Variants in CYP2J2 observed in about 807,000 individuals in gnomAD.
The protein encoded by CYP2J2 is cytochrome P450 family 2 subfamily J member 2.
A neutral mutation model predicts 48.8 loss-of-function variants in CYP2J2; 41 were observed. The ratio of observed to expected loss-of-function variants is 0.84; its 90% CI spans 0.66 to 1.09. The LOEUF is 1.09. Ranked by LOEUF, CYP2J2 falls within the 50% of genes least tolerant of loss-of-function variation. The probability of loss-of-function intolerance (pLI) is 0.00; values close to 1 mark genes in which losing one functional copy is unlikely to be tolerated. For missense variants in CYP2J2, 644 were observed against 617.3 expected (o/e 1.04, Z -0.46); for synonymous variants, 221 against 227.1 (o/e 0.97, Z 0.24).
chr1:59,962,148 T>A, the CYP2J2 span, among the ~76,000 whole-genome samples: 1 of 152,142 alleles, frequency 6.6e-6, no homozygotes, highest in Non-Finnish European at 1.5e-5. Flanking sequence ...TGTGGCTATA[T>A]TAAAAAATGA....
At chr1:59,952,215 A>G in the CYP2J2 span, among the ~76,000 whole-genome samples, 1 of 151,972 alleles carries the variant, frequency 6.6e-6, no homozygotes, top group African/African-American at 2.4e-5. Context: ...TGAGCCAGTA[A>G]GCTGAGTAAT....
chr1:59,935,032 A>G, the CYP2J2 span, among the ~76,000 whole-genome samples: 4 of 110,912 alleles, frequency 3.6e-5, no homozygotes, highest in Non-Finnish European at 5.7e-5. Flanking sequence ...ATATATATAT[A>G]TATATATATA....
At chr1:59,957,832 T>C in the CYP2J2 span, among the ~76,000 whole-genome samples, 4 of 152,006 alleles carry the variant, frequency 2.6e-5, no homozygotes, top group South Asian at 2.1e-4. Flanking sequence ...TTTCAGAGCA[T>C]TGGGGTAAAC....
chr1:59,960,774 C>T, the CYP2J2 span, among the ~76,000 whole-genome samples: 1 of 152,006 alleles, frequency 6.6e-6, no homozygotes, highest in African/African-American at 2.4e-5. Flanking sequence ...ACCTGGGAGG[C>T]GGAGGTTGAA....
chr1:59,908,081 T>C (rs1402216165), intron 5 of CYP2J2, among the ~76,000 whole-genome samples, 154 bp from the exon 6 acceptor site: 1 of 152,194 alleles, frequency 6.6e-6, no homozygotes, highest in Non-Finnish European at 1.5e-5. Flanking sequence ...GGCAGACTCT[T>C]ATTACAGCAA....
At chr1:59,938,004 C>CTCAAAATAGTTAT in the CYP2J2 span, among the ~76,000 whole-genome samples, 2 of 151,988 alleles carry the variant, frequency 1.3e-5, no homozygotes, top group Non-Finnish European at 2.9e-5. Context: ...TTTGAGTTTC[C>CTCAAAATAGTTAT]TCAAAATAAC....
intron 7 of CYP2J2, among the ~76,000 whole-genome samples, chr1:59,903,849 TGA>T (rs1644342216): frequency 6.6e-6 from 1 of 152,212 alleles, no homozygotes; most frequent in Non-Finnish European, 1.5e-5. Context: ...TCTTCATAGT[TGA>T]GAGATCTCAT....
At chr1:59,901,510 TAA>T (rs1398407381) in intron 7 of CYP2J2, among the ~76,000 whole-genome samples, 1 of 152,102 alleles carries the variant, frequency 6.6e-6, no homozygotes, top group Non-Finnish European at 1.5e-5. Flanking sequence ...TCTACAAAGG[TAA>T]AAGACATCTC....
the CYP2J2 span, among the ~76,000 whole-genome samples, chr1:59,959,730 A>C: frequency 3.9e-5 from 6 of 152,262 alleles, no homozygotes; most frequent in East Asian, 7.7e-4. Context: ...AAAGGAATAA[A>C]ATAATGGCAT....
At chr1:59,967,195 A>C in the CYP2J2 span, among the ~76,000 whole-genome samples, 8 of 152,212 alleles carry the variant, frequency 5.3e-5, no homozygotes, top group Non-Finnish European at 7.3e-5. Flanking sequence ...CTCTTGCTCG[A>C]GGAGCCACAA....
the CYP2J2 span, among the ~76,000 whole-genome samples, chr1:59,964,432 T>C: frequency 0.072 from 11,002 of 152,288 alleles, 423 homozygotes; most frequent in Middle Eastern, 0.1. Context: ...CATTTTATGT[T>C]GTGAATGAAA....
intron 8 of CYP2J2, among the ~76,000 whole-genome samples, chr1:59,895,126 T>C (rs1644257422): frequency 6.6e-6 from 1 of 152,222 alleles, no homozygotes; most frequent in Admixed American, 6.5e-5. Flanking sequence ...TTAACACTGA[T>C]GCATGACCAA....
At chr1:59,933,934 A>G in the CYP2J2 span, among the ~76,000 whole-genome samples, 1 of 152,202 alleles carries the variant, frequency 6.6e-6, no homozygotes, top group Non-Finnish European at 1.5e-5. Context: ...AAAGTGAAAC[A>G]ATTTTGAGAA....
At chr1:59,934,995 T>TATATATATATATATATAC in the CYP2J2 span, among the ~76,000 whole-genome samples, 1 of 47,604 alleles carries the variant, frequency 2.1e-5, no homozygotes. Context: ...ATGGGATATA[T>TATATATATATATATATAC]ATATATATAT....
At chr1:59,954,736 T>G in the CYP2J2 span, among the ~76,000 whole-genome samples, 1 of 152,094 alleles carries the variant, frequency 6.6e-6, no homozygotes, top group Non-Finnish European at 1.5e-5. Flanking sequence ...ACCAAGATTC[T>G]CATTATGAAG....
At chr1:59,955,192 G>T in the CYP2J2 span, among the ~76,000 whole-genome samples, 1 of 146,200 alleles carries the variant, frequency 6.8e-6, no homozygotes, top group Non-Finnish European at 1.5e-5. Context: ...TAAAAAATAT[G>T]TGCATATGCA....
chr1:59,916,256 C>A (rs552458090), intron 1 of CYP2J2, among the ~76,000 whole-genome samples, 156 bp from the exon 2 acceptor site: 3 of 151,648 alleles, frequency 2.0e-5, no homozygotes, highest in African/African-American at 7.3e-5. Context: ...AGTGAGTGTA[C>A]ATTGGTCTCA....
intron 3 of CYP2J2, 133 bp downstream of exon 3, chr1:59,912,029 G>A (rs1313447181): frequency 2.9e-6 from 3 of 1,048,544 alleles, no homozygotes; most frequent in East Asian, 2.6e-5. Flanking sequence ...TTTGAGGACA[G>A]AGTTGTTCAC....
the CYP2J2 span, among the ~76,000 whole-genome samples, chr1:59,966,457 T>C: frequency 6.6e-6 from 1 of 152,174 alleles, no homozygotes; most frequent in Admixed American, 6.5e-5. Context: ...ATGAGGAAAC[T>C]GAAAGTCACG....
Sources: allele counts gnomAD v4.1 joint callset (sites outside exome capture counted in the v4.1 genomes callset), GRCh38; gene constraint gnomAD v4.1.1; transcripts MANE v1.5; gene names NCBI Gene and HGNC (gene_info 2026-07-23, HGNC 2026-07-21).